The following PIK3AP1 variants were observed in gnomAD, a reference collection of about 807,000 sequenced individuals.
The protein encoded by PIK3AP1 is phosphoinositide 3-kinase adapter protein 1.
PIK3AP1 carries 21 observed loss-of-function variants against 88.1 expected under a neutral mutation model. The ratio of observed to expected loss-of-function variants is 0.24; its 90% CI spans 0.17 to 0.34. The LOEUF (loss-of-function observed/expected upper bound fraction) is 0.34. Among genes scored for constraint, PIK3AP1 ranks in the 10% least tolerant of loss-of-function variants. The pLI is 1.00. For synonymous variants in PIK3AP1, 398 were observed against 400.0 expected (o/e 1.00, Z 0.06); for missense variants, 828 against 1,035.7 (o/e 0.80, Z 2.75).
intron 15 of PIK3AP1, 134 bp from the exon 16 acceptor site, chr10:96,602,532 C>T: frequency 4.4e-6 from 3 of 676,062 alleles, no homozygotes; most frequent in East Asian, 3.0e-5. Flanking sequence ...GATAATCAAC[C>T]CAGCCATACC....
At chr10:96,652,529 T>C (rs565387218) in intron 4 of PIK3AP1, among the ~76,000 whole-genome samples, 169 bp downstream of exon 4, 7 of 151,596 alleles carry the variant, frequency 4.6e-5, no homozygotes, top group African/African-American at 1.7e-4. Context: ...GCTGAGATCA[T>C]GCCACTGCAC....
intron 2 of PIK3AP1, among the ~76,000 whole-genome samples, chr10:96,668,993 G>A (rs1174316042): frequency 1.3e-5 from 2 of 152,128 alleles, no homozygotes; most frequent in African/African-American, 2.4e-5. Flanking sequence ...TTTGCCAGGC[G>A]TGGTGGCACA....
intron 12 of PIK3AP1, 39 bp from the exon 13 acceptor site, chr10:96,616,750 G>T: frequency 6.4e-7 from 1 of 1,562,776 alleles, no homozygotes; most frequent in Non-Finnish European, 8.8e-7. Flanking sequence ...GTGTACAACA[G>T]GATGATACCC....
rs139506152 is a variant in PIK3AP1, at chr10:96,690,232, C to A, written c.430+19335G>T. ...TTCTAACCAGTTGAGTATCCTTGGG[C>A]AGGTCATTTGTCAATGCTGAGCCTC... is the stretch of plus-strand genomic sequence containing the variant. On this transcript the variant is annotated intron_variant, in intron 2 of 16. Transcript: ENST00000339364. Among the ~76,000 whole-genome samples, 527 of 152,174 alleles carry A rather than the reference C, an allele frequency of 3.5e-3. 2 individuals carry two copies. Among genetic ancestry groups the A allele is most frequent in the Middle Eastern group, 0.01 (3 of 294 alleles).
chr10:96,613,536 C>G (rs535630287), intron 13 of PIK3AP1, among the ~76,000 whole-genome samples: 5 of 152,264 alleles, frequency 3.3e-5, no homozygotes, highest in Non-Finnish European at 5.9e-5. Flanking sequence ...CTTAACACCC[C>G]TCTCCCGAAA....
chr10:96,708,026 AG>A (rs777533746), intron 2 of PIK3AP1, among the ~76,000 whole-genome samples: 2 of 152,164 alleles, frequency 1.3e-5, no homozygotes, highest in Non-Finnish European at 2.9e-5. Context: ...CTGGGATAAA[AG>A]CACCTAGGAA....
intron 2 of PIK3AP1, among the ~76,000 whole-genome samples, chr10:96,657,459 CCAGGCTCCACAGGCAA>C (rs1843630598): frequency 6.6e-6 from 1 of 152,146 alleles, no homozygotes; most frequent in South Asian, 2.1e-4. Flanking sequence ...ATAAATCTAA[CCAGGCTCCACAGGCAA>C]CACCTGTACC....
intron 10 of PIK3AP1, among the ~76,000 whole-genome samples, chr10:96,624,713 C>T (rs971265960): frequency 6.6e-6 from 1 of 151,886 alleles, no homozygotes; most frequent in African/African-American, 2.4e-5. Context: ...CTATGCTGAA[C>T]AGCTGGAAAA....
chr10:96,636,442 C>T (rs999244453), intron 8 of PIK3AP1, among the ~76,000 whole-genome samples: 1 of 152,096 alleles, frequency 6.6e-6, no homozygotes, highest in Non-Finnish European at 1.5e-5. Flanking sequence ...CCCTCTCAGG[C>T]TCTAAATATG....
At chr10:96,696,003 A>G (rs1844213993) in intron 2 of PIK3AP1, among the ~76,000 whole-genome samples, 1 of 152,220 alleles carries the variant, frequency 6.6e-6, no homozygotes, top group East Asian at 1.9e-4. Context: ...AATTTGCTCC[A>G]TGGAAATGGT....
chr10:96,667,995 G>T (rs1447469145), intron 2 of PIK3AP1, among the ~76,000 whole-genome samples: 2 of 152,092 alleles, frequency 1.3e-5, no homozygotes, highest in Non-Finnish European at 1.5e-5. Context: ...AGAGATACTG[G>T]TTTTTTCATG....
intron 13 of PIK3AP1, among the ~76,000 whole-genome samples, chr10:96,614,891 C>T (rs1004584002): frequency 2.0e-5 from 3 of 152,208 alleles, no homozygotes; most frequent in African/African-American, 4.8e-5. Flanking sequence ...CCATGTGGAG[C>T]TTCTAGTGGA....
chr10:96,602,690 T>C (rs192746512), intron 15 of PIK3AP1, among the ~76,000 whole-genome samples: 1 of 152,146 alleles, frequency 6.6e-6, no homozygotes, highest in East Asian at 1.9e-4. Flanking sequence ...GGAAGCTTAT[T>C]AGAAATGCCC....
At chr10:96,678,213 C>G (rs939579557) in intron 2 of PIK3AP1, among the ~76,000 whole-genome samples, 2 of 152,094 alleles carry the variant, frequency 1.3e-5, no homozygotes, top group Non-Finnish European at 2.9e-5. Flanking sequence ...GTGGGCAGAT[C>G]ATCTGAGGTC....
chr10:96,709,427 A>C, intron 2 of PIK3AP1, 140 bp downstream of exon 2: 1 of 1,042,612 alleles, frequency 9.6e-7, no homozygotes, highest in South Asian at 1.6e-5. Flanking sequence ...CACCCCAGAA[A>C]TAGGCTGCTC....
At chr10:96,641,004 G>A (rs1358678178) in intron 8 of PIK3AP1, among the ~76,000 whole-genome samples, 2 of 152,056 alleles carry the variant, frequency 1.3e-5, no homozygotes, top group Admixed American at 1.3e-4. Flanking sequence ...AGAGAATTGG[G>A]AGCAAAGCTG....
chr10:96,648,619 G>T, intron 7 of PIK3AP1, 40 bp downstream of exon 7: 1 of 1,564,320 alleles, frequency 6.4e-7, no homozygotes, highest in Non-Finnish European at 8.6e-7. Flanking sequence ...CTACCACAGA[G>T]TGCATTTCCA....
At chr10:96,673,821 G>A (rs1843880684) in intron 2 of PIK3AP1, among the ~76,000 whole-genome samples, 1 of 152,198 alleles carries the variant, frequency 6.6e-6, no homozygotes, top group Admixed American at 6.5e-5. Flanking sequence ...TGAAGAAATT[G>A]AGAGTAAAAT....
At chr10:96,716,159 G>A (rs893028698) in intron 1 of PIK3AP1, among the ~76,000 whole-genome samples, 4 of 152,182 alleles carry the variant, frequency 2.6e-5, no homozygotes, top group African/African-American at 9.6e-5. Flanking sequence ...GCATGCGCCT[G>A]TAGTCCCAGC....
Sources: gnomAD v4.1 joint callset for allele counts (sites outside exome capture counted in the v4.1 genomes callset) on GRCh38, gnomAD v4.1.1 for gene constraint, MANE v1.5 for transcripts, NCBI Gene and HGNC (gene_info 2026-07-23, HGNC 2026-07-21) for gene names.